The following GPR158 variants were observed in gnomAD, a reference collection of about 807,000 sequenced individuals.
GPR158 encodes the protein G protein-coupled receptor 158, also known as metabotropic glycine receptor.
Under a neutral mutation model 78.2 loss-of-function variants are expected in GPR158, and 30 were observed. That is an observed-to-expected ratio of 0.38 (90% CI 0.29 to 0.52). The LOEUF is 0.52. Among genes scored for constraint, GPR158 ranks in the 20% least tolerant of loss-of-function variants. GPR158 has a pLI of 0.83. For synonymous variants in GPR158, 581 were observed against 591.1 expected (o/e 0.98, Z 0.25); for missense variants, 1,463 against 1,523.5 (o/e 0.96, Z 0.66).
chr10:25,497,131 A>G (rs1202427753), intron 5 of GPR158, among the ~76,000 whole-genome samples: 1 of 152,206 alleles, frequency 6.6e-6, no homozygotes, highest in Admixed American at 6.5e-5. Flanking sequence ...GAAAGCCAGA[A>G]GGGGAGTCAG....
chr10:25,444,274 T>G (rs1245962384), intron 4 of GPR158, among the ~76,000 whole-genome samples: 1 of 148,098 alleles, frequency 6.8e-6, no homozygotes, highest in East Asian at 2.1e-4. Flanking sequence ...GGGGCATGTG[T>G]ATATATGTGA....
Position 25,546,054 on chromosome 10 carries a change from G to A in GPR158, c.1405-4922G>A, listed in dbSNP as rs528797557. ...ACCTAACTCAGTCTGAGGGATGCTG[G>A]AGAGAGTCATGAATGCCCGCCCTGA... On this transcript the variant is annotated intron_variant, in intron 5 of 10. Transcript: ENST00000376351. Among the ~76,000 whole-genome samples, 12 of 152,212 alleles carry A rather than the reference G, an allele frequency of 7.9e-5. No individual in the cohort carries two copies. The South Asian group carries it at 2.5e-3, about 32-fold the overall frequency.
At chr10:25,597,131 G>A (rs1223362651) in intron 10 of GPR158, among the ~76,000 whole-genome samples, 1 of 152,186 alleles carries the variant, frequency 6.6e-6, no homozygotes, top group Non-Finnish European at 1.5e-5. Context: ...CTTGCTTAGG[G>A]AAAGGTAGGA....
intron 6 of GPR158, among the ~76,000 whole-genome samples, chr10:25,554,999 TGA>T (rs1313823150): frequency 1.4e-5 from 2 of 147,840 alleles, no homozygotes; most frequent in Non-Finnish European, 3.0e-5. Flanking sequence ...TGAAACTATT[TGA>T]GAGAGAGGAA....
intron 2 of GPR158, among the ~76,000 whole-genome samples, chr10:25,255,604 G>A (rs1564403699): frequency 6.6e-6 from 1 of 152,106 alleles, no homozygotes; most frequent in Non-Finnish European, 1.5e-5. Flanking sequence ...TTGTTTGTCT[G>A]TTTGTTTTGT....
Position 25,338,381 on chromosome 10 carries a change from A to C in GPR158, c.1009-57530A>C, listed in dbSNP as rs992390475. Among the ~76,000 whole-genome samples the C allele has an allele frequency of 4.3e-5, 6 of 138,680 alleles. No homozygotes were observed. The South Asian group carries it at 6.6e-4, about 15-fold the overall frequency. 91.0% of individuals were successfully genotyped at this position (138,680 alleles called of 152,430 possible). A position where few individuals can be genotyped will look rare whatever the true frequency, so the allele number is the denominator to read the frequency against. On this transcript the variant is annotated intron_variant, in intron 2 of 10. Transcript: ENST00000376351. ...ATAAATCTGATGACTATATCTATAT[A>C]TCTCTCTCTATATATATTATTATAT...
Position 25,598,292 on chromosome 10 carries a change from A to G in GPR158, c.2666A>G (p.Lys889Arg). The G allele has an allele frequency of 6.2e-7, 1 of 1,614,102 alleles. No individual in the cohort carries two copies. Among genetic ancestry groups the G allele is most frequent in the Non-Finnish European group, 8.5e-7 (1 of 1,179,998 alleles). The change falls in exon 11 of 11, where the codon AAG becomes AGG. Residue 889 changes from lysine to arginine, a missense_variant. By Grantham distance (26) the Lys-to-Arg change is conservative (BLOSUM62 2). Coordinates refer to ENST00000376351, the MANE Select transcript of GPR158 (RefSeq NM_020752.3). Reference protein sequence around the residue: ...SASAHNLSSEKKTGHPRTSML... With the variant: ...SASAHNLSSERKTGHPRTSML... ...AGCGCTCACAACCTCAGCTCAGAGA[A>G]GAAAACTGGGCACCCACGAACATCG...
At chr10:25,489,300 G>T (rs1835773471) in intron 5 of GPR158, among the ~76,000 whole-genome samples, 1 of 152,056 alleles carries the variant, frequency 6.6e-6, no homozygotes, top group South Asian at 2.1e-4. Context: ...ACTGGGCTAG[G>T]ACTCTTGGCA....
chr10:25,371,264 C>G (rs1206736022), intron 2 of GPR158, among the ~76,000 whole-genome samples: 1 of 151,652 alleles, frequency 6.6e-6, no homozygotes, highest in East Asian at 2.0e-4. Context: ...TTCCTAGTCT[C>G]GATGGTCTTT....
At chr10:25,386,867 T>G (rs1346868947) in intron 2 of GPR158, among the ~76,000 whole-genome samples, 1 of 152,200 alleles carries the variant, frequency 6.6e-6, no homozygotes, top group Non-Finnish European at 1.5e-5. Context: ...TTTGTGTGTG[T>G]GGAATTTCAG....
chr10:25,469,730 G>A lies in GPR158; in HGVS notation c.1404+3011G>A, dbSNP rs184109342. On this transcript the variant is annotated intron_variant, in intron 5 of 10. Coordinates refer to ENST00000376351, the MANE Select transcript of GPR158 (RefSeq NM_020752.3). ...ACCTGGGAGGTGGAGGTTGCAGTGA[G>A]CCGAGATTGTGCCACTGCATTCCAG... Among the ~76,000 whole-genome samples, 5 of 136,938 alleles carry A rather than the reference G, an allele frequency of 3.7e-5. No homozygotes were observed. The East Asian group carries it at 1.2e-3, about 34-fold the overall frequency. 89.8% of individuals were successfully genotyped at this position (136,938 alleles called of 152,430 possible).
At chr10:25,434,118 G>A (rs986727537) in intron 4 of GPR158, among the ~76,000 whole-genome samples, 11 of 152,016 alleles carry the variant, frequency 7.2e-5, no homozygotes, top group Non-Finnish European at 1.6e-4. Flanking sequence ...GCCGAGATGC[G>A]CCACTGCACT....
At chr10:25,498,409 A>G (rs1835912103) in intron 5 of GPR158, among the ~76,000 whole-genome samples, 2 of 152,204 alleles carry the variant, frequency 1.3e-5, no homozygotes, top group Non-Finnish European at 2.9e-5. Flanking sequence ...TTGGTCACAC[A>G]TTGGAAGCAT....
intron 2 of GPR158, among the ~76,000 whole-genome samples, chr10:25,259,692 T>G (rs1853942946): frequency 6.6e-6 from 1 of 152,160 alleles, no homozygotes; most frequent in South Asian, 2.1e-4. Context: ...AGAACTAACA[T>G]TAAAATACTG....
intron 2 of GPR158, among the ~76,000 whole-genome samples, chr10:25,384,153 G>A (rs960869644): frequency 9.9e-5 from 15 of 151,978 alleles, no homozygotes; most frequent in Admixed American, 4.6e-4. Context: ...GCAGGCAGTT[G>A]TAACTATGAT....
At chr10:25,387,255 G>C (rs1834234573) in intron 2 of GPR158, among the ~76,000 whole-genome samples, 1 of 152,092 alleles carries the variant, frequency 6.6e-6, no homozygotes, top group South Asian at 2.1e-4. Context: ...CCTTCATTCT[G>C]TTGATGTGTG....
intron 2 of GPR158, among the ~76,000 whole-genome samples, chr10:25,308,408 T>C (rs1418885018): frequency 6.6e-6 from 1 of 152,208 alleles, no homozygotes; most frequent in Non-Finnish European, 1.5e-5. Flanking sequence ...TTTTGTTTTC[T>C]GTTCCTGTGT....
intron 5 of GPR158, among the ~76,000 whole-genome samples, chr10:25,497,136 A>G (rs1835892696): frequency 6.6e-6 from 1 of 152,182 alleles, no homozygotes; most frequent in Non-Finnish European, 1.5e-5. Context: ...CCAGAAGGGG[A>G]GTCAGATCTT....
At chr10:25,427,958 A>C (rs1316742728) in intron 4 of GPR158, among the ~76,000 whole-genome samples, 1 of 152,030 alleles carries the variant, frequency 6.6e-6, no homozygotes, top group Non-Finnish European at 1.5e-5. Context: ...ATAATTACTC[A>C]ATCTTCCTCT....
Sources: gnomAD v4.1 joint callset for allele counts (sites outside exome capture counted in the v4.1 genomes callset) on GRCh38, gnomAD v4.1.1 for gene constraint, MANE v1.5 for transcripts, NCBI Gene and HGNC (gene_info 2026-07-23, HGNC 2026-07-21) for gene names.